ZNF254: variants seen among roughly 807,000 people sequenced by gnomAD.
The protein encoded by ZNF254 is zinc finger protein 254.
Under a neutral mutation model 12.4 loss-of-function variants are expected in ZNF254, and 10 were observed. The observed-to-expected ratio is 0.80, with a 90% CI of 0.50 to 1.36. ZNF254 has a LOEUF of 1.36. Among genes scored for constraint, ZNF254 ranks in the 40% most tolerant of loss-of-function variants. The pLI is 0.00. For synonymous variants in ZNF254, 305 were observed against 253.4 expected (o/e 1.20, Z -1.93); for missense variants, 996 against 763.9 (o/e 1.30, Z -3.58).
At chr19:24,069,676 G>A (rs924113033) in intron 2 of ZNF254, among the ~76,000 whole-genome samples, 1 of 150,182 alleles carries the variant, frequency 6.7e-6, no homozygotes, top group Non-Finnish European at 1.5e-5. Flanking sequence ...TCAGCACTTT[G>A]GGAGGCCGGC....
chr19:24,094,902 AT>A lies in ZNF254; in HGVS notation c.30+7566del, dbSNP rs530993821. Among the ~76,000 whole-genome samples the A allele has an allele frequency of 5.9e-5, 9 of 151,572 alleles. No individual in the cohort carries two copies. In the South Asian group the frequency reaches 1.9e-3, roughly 32 times the overall value. ...GGGTTTTGCCATGTTAGCCAGGTTG[AT>A]CTCAAAATCCTGACCTCAGGGGATC... On this transcript the variant is annotated intron_variant, in intron 1 of 3. Transcript: ENST00000357002.
chr19:24,081,076 C>CA (rs112442439), intron 2 of ZNF254, among the ~76,000 whole-genome samples: 682 of 123,366 alleles, frequency 5.5e-3, no homozygotes, highest in Admixed American at 0.012. Flanking sequence ...GACTCCTTCT[C>CA]AAAAAAAAAA....
intron 1 of ZNF254, among the ~76,000 whole-genome samples, chr19:24,089,121 C>T (rs531968701): frequency 6.6e-6 from 1 of 152,086 alleles, no homozygotes; most frequent in Non-Finnish European, 1.5e-5. Context: ...GGATTATAGG[C>T]ATGTGCCACC....
chr19:24,087,924 T>A (rs554875222), intron 1 of ZNF254, among the ~76,000 whole-genome samples: 1 of 137,374 alleles, frequency 7.3e-6, no homozygotes, highest in Non-Finnish European at 1.6e-5. Flanking sequence ...TTTTTTTTTT[T>A]CTTTTTTTTG....
At chr19:24,118,502 TTG>T (rs1974264554) in intron 3 of ZNF254, among the ~76,000 whole-genome samples, 2 of 152,190 alleles carry the variant, frequency 1.3e-5, no homozygotes, top group South Asian at 4.1e-4. Flanking sequence ...AATTTTTTGT[TTG>T]TGTTTTTCGA....
rs1379757967 is a variant in ZNF254 at position 24,128,993 on chromosome 19, A to G, written c.*1013A>G. On this transcript the variant is annotated 3_prime_UTR_variant, in exon 4 of 4. Transcript: ENST00000357002. ...GTGTATTCATATGTGAAAGCATGTG[A>G]CTAATTGTTGCTGCATAAAAGATAT... 7.4e-5 allele frequency: 11 copies of G among 147,752 alleles called. No individual in the cohort carries two copies. Among genetic ancestry groups the G allele is most frequent in the Non-Finnish European group, 1.5e-5 (1 of 67,678 alleles). 9.2% of individuals were successfully genotyped at this position (147,752 alleles called of 1,614,324 possible).
At chr19:24,059,707 T>A (rs62114823) in intron 2 of ZNF254, among the ~76,000 whole-genome samples, 22,556 of 152,148 alleles carry the variant, frequency 0.15, 1,923 homozygotes, top group Middle Eastern at 0.23. Context: ...ATGATGATGT[T>A]TCTTTTCTTT....
intron 2 of ZNF254, chr19:24,078,627 G>C (rs1971743445): frequency 6.6e-6 from 1 of 152,054 alleles, no homozygotes; most frequent in Non-Finnish European, 1.5e-5. Context: ...TTGACTGAGG[G>C]CTGGCCTGGA....
chr19:24,087,184 G>A (rs1312792817), upstream of ZNF254: 3 of 1,271,204 alleles, frequency 2.4e-6, no homozygotes, highest in Non-Finnish European at 3.3e-6. Context: ...GGGATATGGC[G>A]GGGCCTTTGT....
Position 24,127,570 on chromosome 19 carries a change from G to C in ZNF254, c.1570G>C (p.Gly524Arg), listed in dbSNP as rs775550157. 1 of 1,613,458 alleles carries C rather than the reference G, an allele frequency of 6.2e-7. No individual in the cohort carries two copies. Among genetic ancestry groups the C allele is most frequent in the Non-Finnish European group, 8.5e-7 (1 of 1,179,790 alleles). Reference sequence around the variant, plus strand: ...GAAACCCTACAAATGTGAAGAATGTGGCAAAGCCTTTAACTGGTCCTCAAC... The same window carrying C: ...GAAACCCTACAAATGTGAAGAATGTCGCAAAGCCTTTAACTGGTCCTCAAC... The part of the protein sequence containing the change: ...GEKPYKCEEC[G>R]KAFNWSSTLT... Residue 524 changes from glycine to arginine, a missense_variant, in exon 4 of 4, where the codon GGC becomes CGC. By Grantham distance (125) the Gly-to-Arg change is moderately radical. Transcript: ENST00000357002.
chr19:24,051,687 C>G (rs938490558), intron 2 of ZNF254, among the ~76,000 whole-genome samples: 4 of 152,146 alleles, frequency 2.6e-5, no homozygotes, highest in African/African-American at 9.7e-5. Context: ...TGCAACTCTC[C>G]TGCATGGGCC....
At chr19:24,117,802 C>T (rs950722837) in intron 3 of ZNF254, among the ~76,000 whole-genome samples, 2 of 152,034 alleles carry the variant, frequency 1.3e-5, no homozygotes, top group African/African-American at 4.8e-5. Flanking sequence ...ACGCTGGGAG[C>T]TGTAGACCGG....
chr19:24,103,573 G>A (rs1973157587), intron 1 of ZNF254, among the ~76,000 whole-genome samples: 1 of 152,138 alleles, frequency 6.6e-6, no homozygotes, highest in South Asian at 2.1e-4. Context: ...AGTGCCTCAT[G>A]TGACTCTCAG....
intron 1 of ZNF254, among the ~76,000 whole-genome samples, chr19:24,100,389 A>G (rs537711143): frequency 3.0e-5 from 4 of 131,976 alleles, no homozygotes; most frequent in South Asian, 4.7e-4. Flanking sequence ...TTGAAATTTG[A>G]AAAAAAAAAA....
chr19:24,080,048 G>T (rs1971794852), intron 2 of ZNF254: 1 of 152,198 alleles, frequency 6.6e-6, no homozygotes, highest in Non-Finnish European at 1.5e-5. Flanking sequence ...TTATAACCCA[G>T]TCTGCCCCTG....
intron 2 of ZNF254, chr19:24,046,383 A>ATATTTATATATATATTTATATATATATT: frequency 1.0e-5 from 1 of 96,636 alleles, no homozygotes; most frequent in African/African-American, 3.8e-5. Flanking sequence ...TTATATATAT[A>ATATTTATATATATATTTATATATATATT]TATATATATA....
chr19:24,116,851 G>A (rs1266344448), intron 3 of ZNF254, among the ~76,000 whole-genome samples: 2 of 152,052 alleles, frequency 1.3e-5, no homozygotes, highest in Non-Finnish European at 2.9e-5. Flanking sequence ...TTTGACGATG[G>A]TGATGTACAG....
chr19:24,056,765 G>A (rs561956690), intron 2 of ZNF254, among the ~76,000 whole-genome samples: 12 of 152,316 alleles, frequency 7.9e-5, no homozygotes, highest in East Asian at 5.8e-4. Flanking sequence ...CATATCACTC[G>A]TCTCAGCTCC....
upstream of ZNF254, among the ~76,000 whole-genome samples, chr19:24,084,811 G>C (rs1971966850): frequency 6.6e-6 from 1 of 151,852 alleles, no homozygotes; most frequent in African/African-American, 2.4e-5. Context: ...TATTTTTTTA[G>C]ATACATGTTT....
Sources: gnomAD v4.1 joint callset for allele counts (sites outside exome capture counted in the v4.1 genomes callset) on GRCh38, gnomAD v4.1.1 for gene constraint, MANE v1.5 for transcripts, NCBI Gene and HGNC (gene_info 2026-07-23, HGNC 2026-07-21) for gene names.